TTLL1: variants seen among roughly 807,000 people sequenced by gnomAD.
TTLL1 encodes polyglutamylase complex subunit TTLL1.
A neutral mutation model predicts 47.8 loss-of-function variants in TTLL1; 33 were observed. The ratio of observed to expected loss-of-function variants is 0.69; its 90% CI spans 0.52 to 0.92. The LOEUF (loss-of-function observed/expected upper bound fraction) is 0.92. Ranked by LOEUF, TTLL1 falls within the 40% of genes least tolerant of loss-of-function variation. The pLI is 0.00. For missense variants in TTLL1, 488 were observed against 547.5 expected (o/e 0.89, Z 1.08); for synonymous variants, 225 against 214.1 (o/e 1.05, Z -0.45).
At chr22:43,060,071 G>A (rs942591450) in intron 7 of TTLL1, among the ~76,000 whole-genome samples, 10 of 152,084 alleles carry the variant, frequency 6.6e-5, no homozygotes, top group Non-Finnish European at 5.9e-5. Flanking sequence ...CACCCAGGCT[G>A]GAGTGCAATG....
chr22:43,079,233 C>G (rs866064387), intron 2 of TTLL1, among the ~76,000 whole-genome samples: 4 of 111,938 alleles, frequency 3.6e-5, no homozygotes, highest in African/African-American at 1.1e-4. Flanking sequence ...ATCCCACACC[C>G]CTCACACCCA....
chr22:43,054,723 C>CTG, intron 8 of TTLL1, among the ~76,000 whole-genome samples: 1 of 95,772 alleles, frequency 1.0e-5, no homozygotes, highest in Admixed American at 1.4e-4. Flanking sequence ...TGCACCTGGC[C>CTG]TTTTTTTTTT....
chr22:43,059,101 T>C (rs1028302792), intron 8 of TTLL1, among the ~76,000 whole-genome samples: 1 of 152,196 alleles, frequency 6.6e-6, no homozygotes, highest in Non-Finnish European at 1.5e-5. Context: ...GTGATTCTCC[T>C]GCCTCAGCCT....
intron 3 of TTLL1, 118 bp from the exon 4 acceptor site, chr22:43,069,962 C>T: frequency 6.9e-7 from 1 of 1,449,092 alleles, no homozygotes; most frequent in Non-Finnish European, 9.2e-7. Flanking sequence ...CTCCCACATC[C>T]CCTGGCACCT....
chr22:43,057,819 G>A (rs892666746), intron 8 of TTLL1, among the ~76,000 whole-genome samples: 6 of 152,178 alleles, frequency 3.9e-5, no homozygotes, highest in Non-Finnish European at 8.8e-5. Context: ...AGATTTCATG[G>A]GCTTTGGGCC....
At chr22:43,051,948 C>T (rs149430696) in intron 8 of TTLL1, 61 bp from the exon 9 acceptor site, 414 of 1,511,952 alleles carry the variant, frequency 2.7e-4, no homozygotes, top group Middle Eastern at 3.5e-4. Flanking sequence ...CCGAGACCAA[C>T]GCCACAGAGA....
intron 9 of TTLL1, among the ~76,000 whole-genome samples, chr22:43,050,878 TC>T (rs570993862): frequency 1.3e-3 from 193 of 152,256 alleles, no homozygotes; most frequent in African/African-American, 4.3e-3. Context: ...GGCTATCTAT[TC>T]CCCGCTCACA....
intron 8 of TTLL1, among the ~76,000 whole-genome samples, chr22:43,053,539 C>T (rs1378327378): frequency 6.6e-6 from 1 of 152,144 alleles, no homozygotes; most frequent in Non-Finnish European, 1.5e-5. Context: ...GCCTGCATTG[C>T]GTAGCTCTCA....
intron 2 of TTLL1, among the ~76,000 whole-genome samples, chr22:43,077,422 G>T (rs896791427): frequency 6.6e-6 from 1 of 152,118 alleles, no homozygotes; most frequent in East Asian, 1.9e-4. Context: ...TCCAAACAAG[G>T]TGCTGTACCC....
intron 10 of TTLL1, among the ~76,000 whole-genome samples, chr22:43,042,784 G>C (rs1925789638): frequency 1.3e-5 from 2 of 152,166 alleles, no homozygotes; most frequent in African/African-American, 4.8e-5. Context: ...AGGGAAGCAA[G>C]CCCTGACTAG....
chr22:43,074,982 C>G (rs565911437), intron 3 of TTLL1, among the ~76,000 whole-genome samples: 5 of 152,248 alleles, frequency 3.3e-5, no homozygotes, highest in East Asian at 1.9e-4. Context: ...GCCCGGCCAA[C>G]ATGGTGAAAC....
chr22:43,045,607 G>C (rs1490343478), intron 10 of TTLL1, among the ~76,000 whole-genome samples: 1 of 150,528 alleles, frequency 6.6e-6, no homozygotes, highest in East Asian at 2.0e-4. Context: ...CACTGCACCT[G>C]GTCTATTATA....
chr22:43,052,211 C>T (rs1222690136), intron 8 of TTLL1: 3 of 373,842 alleles, frequency 8.0e-6, no homozygotes, highest in Non-Finnish European at 1.5e-5. Flanking sequence ...AGCTCCAAGC[C>T]CAGAACCTGC....
At chr22:43,062,491 TA>T (rs1218241432) in intron 7 of TTLL1, among the ~76,000 whole-genome samples, 166 of 126,074 alleles carry the variant, frequency 1.3e-3, no homozygotes, top group Non-Finnish European at 1.3e-3. Flanking sequence ...CTCTGTCTCT[TA>T]AAAAAAAAAA....
At chr22:43,042,943 T>TC (rs1003338761) in intron 10 of TTLL1, among the ~76,000 whole-genome samples, 12 of 149,048 alleles carry the variant, frequency 8.1e-5, no homozygotes, top group African/African-American at 3.0e-4. Context: ...TTTTTCTTTT[T>TC]TTTTTTTTTT....
At chr22:43,063,542 T>C (rs908637126) in intron 7 of TTLL1, among the ~76,000 whole-genome samples, 3 of 151,126 alleles carry the variant, frequency 2.0e-5, no homozygotes, top group Non-Finnish European at 2.9e-5. Flanking sequence ...CTCGGCTCAC[T>C]GCAACCTTTG....
At chr22:43,075,430 C>T (rs377044202) in intron 3 of TTLL1, 44 bp downstream of exon 3, 174 of 1,531,772 alleles carry the variant, frequency 1.1e-4, no homozygotes, top group Non-Finnish European at 1.5e-4. Context: ...AAAACCGATA[C>T]GTAAGCCTCA....
chr22:43,059,294 G>A, intron 8 of TTLL1, 90 bp downstream of exon 8: 1 of 1,520,816 alleles, frequency 6.6e-7, no homozygotes, highest in Non-Finnish European at 8.8e-7. Context: ...GCGCACAGCT[G>A]AAAACAGGGA....
chr22:43,054,555 G>A (rs1926868572), intron 8 of TTLL1, among the ~76,000 whole-genome samples: 1 of 151,278 alleles, frequency 6.6e-6, no homozygotes, highest in African/African-American at 2.4e-5. Flanking sequence ...CTCCCAAATA[G>A]CTGGGATCAC....
Sources: gnomAD v4.1 joint callset for allele counts (sites outside exome capture counted in the v4.1 genomes callset) on GRCh38, gnomAD v4.1.1 for gene constraint, MANE v1.5 for transcripts, NCBI Gene and HGNC (gene_info 2026-07-23, HGNC 2026-07-21) for gene names.